ICAM2: variants seen among roughly 807,000 people sequenced by gnomAD.
ICAM2 encodes the protein ICAM-2.
In ICAM2, 14 loss-of-function variants were observed where a neutral mutation model predicts 19.1. The observed-to-expected ratio is 0.73, with a 90% confidence interval of 0.48 to 1.15. The LOEUF is 1.15. Among genes scored for constraint, ICAM2 ranks in the 50% most tolerant of loss-of-function variants. The pLI is 0.00. For missense variants in ICAM2, 311 were observed against 355.4 expected (o/e 0.88, Z 1.00); for synonymous variants, 153 against 152.7 (o/e 1.00, Z -0.01).
chr17:64,020,486 C>T (rs16947352), intron 1 of ICAM2, 37 bp downstream of exon 1: 50,278 of 152,022 alleles, frequency 0.33, 9,203 homozygotes, highest in South Asian at 0.51. Flanking sequence ...CATGCTGCCA[C>T]GCTTCATTGG....
At position 64,010,916 on chromosome 17, in the gene ICAM2, T is replaced by C. The variant is rs1430624955; in HGVS notation, c.-44-4181A>G. On this transcript the variant is annotated intron_variant, in intron 1 of 4. Coordinates refer to ENST00000579788, the MANE Select transcript of ICAM2 (RefSeq NM_001099789.2). ...TGGAATTTTTAGGAGGGAGGACACA[T>C]TTTAAGTTATATAAGGAATGGGAGA... is the stretch of plus-strand genomic sequence containing the variant. Among the ~76,000 whole-genome samples, 16 of 152,246 alleles carry C rather than the reference T, an allele frequency of 1.1e-4. No homozygotes were observed. The South Asian group carries it at 3.3e-3, about 32-fold the overall frequency.
chr17:64,010,540 G>GAAAAA (rs58057567), intron 1 of ICAM2, among the ~76,000 whole-genome samples: 1 of 144,686 alleles, frequency 6.9e-6, no homozygotes, highest in Middle Eastern at 3.6e-3. Context: ...TTGTTTGAAA[G>GAAAAA]AAAAAAAAAA....
intron 1 of ICAM2, among the ~76,000 whole-genome samples, chr17:64,007,190 G>A (rs1034977534): frequency 2.0e-5 from 3 of 152,228 alleles, no homozygotes; most frequent in African/African-American, 7.2e-5. Context: ...GGCAATTTGA[G>A]CTTCTCCTGC....
rs1911131702 is a variant in ICAM2, at chr17:64,005,347, G to T, written c.88C>A (p.His30Asn). Residue 30 changes from histidine (H) to asparagine (N), a missense_variant, in exon 3 of 5, where the codon CAC (histidine) becomes AAC (asparagine). By Grantham distance (68) the His-to-Asn change is moderately conservative (BLOSUM62 1). Coordinates refer to ENST00000579788, the MANE Select transcript of ICAM2 (RefSeq NM_001099789.2). ...ACCGCCAGCTTCTTTGGCCTCACGT[G>T]TACCTCGAATACCTTCTCATCCGAT... is the stretch of plus-strand genomic sequence containing the variant. Reference protein sequence around the residue: ...PGSDEKVFEVHVRPKKLAVEP... With the variant: ...PGSDEKVFEVNVRPKKLAVEP... 1.2e-6 allele frequency: 2 copies of T among 1,613,904 alleles called. No homozygotes were observed. The highest frequency in any genetic ancestry group is 8.5e-7 in the Non-Finnish European group (1 of 1,179,978).
At chr17:64,004,109 G>C in intron 3 of ICAM2, 145 bp from the exon 4 acceptor site, 2 of 628,654 alleles carry the variant, frequency 3.2e-6, no homozygotes, top group South Asian at 3.9e-5. Context: ...GAGAGGAAGA[G>C]GGCAGCAGTT....
At chr17:64,016,070 C>T (rs1246547955) in intron 1 of ICAM2, among the ~76,000 whole-genome samples, 3 of 152,048 alleles carry the variant, frequency 2.0e-5, no homozygotes, top group Non-Finnish European at 4.4e-5. Context: ...TTCCATGAGG[C>T]CAGTGTAACC....
In ICAM2 at chr17:64,002,781, G is replaced by A; in HGVS notation, c.794C>T (p.Ala265Val). 1 of 1,613,178 alleles carries A rather than the reference G, an allele frequency of 6.2e-7. No homozygotes were observed. The highest frequency in any genetic ancestry group is 8.5e-7 in the Non-Finnish European group (1 of 1,179,972). ...GAAGGCCTGGGGCAGCCTCCTCCAA[G>A]CCGCTCGCACCCCGTAGGTGCCCAT... Reference protein sequence around the residue: ...QRMGTYGVRAAWRRLPQAFRP With the variant: ...QRMGTYGVRAVWRRLPQAFRP The change falls in exon 5 of 5, where the codon GCT becomes GTT. Residue 265 changes from alanine (A) to valine (V), a missense_variant. Transcript: ENST00000579788.
At position 64,012,641 on chromosome 17, in the gene ICAM2, A is replaced by G. The variant is rs568584690; in HGVS notation, c.-44-5906T>C. ...ATTAAAATGTTTACACAACATTTAA[A>G]AAGGCAAAACTTGGGTTTGCTGCAC... On this transcript the variant is annotated intron_variant, in intron 1 of 4. Transcript: ENST00000579788. Among the ~76,000 whole-genome samples, 4 of 152,356 alleles carry G rather than the reference A, an allele frequency of 2.6e-5. No individual in the cohort carries two copies. In the South Asian group the frequency reaches 8.3e-4, roughly 32 times the overall value.
At chr17:64,019,564 C>T (rs1911859413) in intron 1 of ICAM2, among the ~76,000 whole-genome samples, 1 of 151,960 alleles carries the variant, frequency 6.6e-6, no homozygotes, top group African/African-American at 2.4e-5. Flanking sequence ...GCCTGTAATC[C>T]CAGCATTTTG....
intron 1 of ICAM2, among the ~76,000 whole-genome samples, chr17:64,019,743 C>T (rs990773811): frequency 3.4e-5 from 5 of 145,158 alleles, no homozygotes; most frequent in African/African-American, 1.3e-4. Flanking sequence ...TTGAACCCAG[C>T]AGGCGAAGGT....
chr17:64,004,609 C>T (rs537544178), intron 3 of ICAM2: 1 of 206,232 alleles, frequency 4.8e-6, no homozygotes, highest in Non-Finnish European at 1.0e-5. Flanking sequence ...AGGTGATACC[C>T]TTAGCGCCAA....
intron 1 of ICAM2, among the ~76,000 whole-genome samples, chr17:64,009,819 G>A (rs1157376713): frequency 1.3e-5 from 2 of 152,172 alleles, no homozygotes; most frequent in African/African-American, 4.8e-5. Flanking sequence ...ATTATAAAAT[G>A]TTAAGTTTTC....
intron 1 of ICAM2, among the ~76,000 whole-genome samples, chr17:64,012,579 AAC>A (rs1188805478): frequency 6.6e-6 from 1 of 152,142 alleles, no homozygotes; most frequent in Admixed American, 6.5e-5. Context: ...CAGCTTGGGT[AAC>A]ACAGCAAAAT....
chr17:64,017,211 C>A (rs1911749638), intron 1 of ICAM2, among the ~76,000 whole-genome samples: 1 of 152,076 alleles, frequency 6.6e-6, no homozygotes, highest in South Asian at 2.1e-4. Context: ...GGTAGAAAAT[C>A]CAAAAGAATC....
chr17:64,003,654 C>T lies in ICAM2; in HGVS notation c.639G>A (p.Leu213=). The change falls in exon 4 of 5, where the codon TTG becomes TTA. Residue 213 remains leucine (L), a synonymous_variant. Transcript: ENST00000579788. ...CGGATCCCCCCTCACCATAGATCTC[C>T]AACATCTTCGGGGCTGAGTGTTTGT... ...IFHKHSAPKM[L]EIYEPVSDSQ... The T allele has an allele frequency of 6.2e-7, 1 of 1,613,162 alleles. No individual in the cohort carries two copies. Among genetic ancestry groups the T allele is most frequent in the Non-Finnish European group, 8.5e-7 (1 of 1,179,422 alleles).
chr17:64,018,416 T>C (rs1177026650), intron 1 of ICAM2, among the ~76,000 whole-genome samples: 1 of 151,120 alleles, frequency 6.6e-6, no homozygotes, highest in Non-Finnish European at 1.5e-5. Context: ...AAAGATTATT[T>C]AGCTCGAGTA....
intron 2 of ICAM2, among the ~76,000 whole-genome samples, chr17:64,005,621 C>G (rs1329884833): frequency 6.6e-6 from 1 of 152,134 alleles, no homozygotes; most frequent in East Asian, 1.9e-4. Context: ...GCCTCTGGCT[C>G]TCCTTCCTCC....
chr17:64,003,498 G>C (rs984389126), intron 4 of ICAM2, 146 bp downstream of exon 4: 1 of 746,282 alleles, frequency 1.3e-6, no homozygotes, highest in South Asian at 1.8e-5. Flanking sequence ...AAGAACTTCA[G>C]GGAAGAGGGA....
At chr17:64,005,412 C>T (rs1911138693) in intron 2 of ICAM2, 39 bp from the exon 3 acceptor site, 1 of 1,593,990 alleles carries the variant, frequency 6.3e-7, no homozygotes, top group Middle Eastern at 1.7e-4. Flanking sequence ...TGTCATCCCC[C>T]CACCCCCTGC....
Sources: allele counts gnomAD v4.1 joint callset (sites outside exome capture counted in the v4.1 genomes callset), GRCh38; gene constraint gnomAD v4.1.1; transcripts MANE v1.5; gene names NCBI Gene and HGNC (gene_info 2026-07-23, HGNC 2026-07-21).